MIOS: variants seen among roughly 807,000 people sequenced by gnomAD.
MIOS encodes GATOR2 complex protein MIOS.
Under a neutral mutation model 96.9 loss-of-function variants are expected in MIOS, and 52 were observed. That is an observed-to-expected ratio of 0.54 (90% CI 0.43 to 0.68). The LOEUF (loss-of-function observed/expected upper bound fraction) is 0.68. Ranked by LOEUF, MIOS falls within the 30% of genes least tolerant of loss-of-function variation. The pLI is 0.00. For missense variants in MIOS, 1,005 were observed against 1,052.8 expected (o/e 0.95, Z 0.63); for synonymous variants, 397 against 359.5 (o/e 1.10, Z -1.18).
intron 9 of MIOS, 96 bp downstream of exon 9, chr7:7,589,659 A>G (rs2115435235): frequency 7.3e-7 from 1 of 1,370,538 alleles, no homozygotes; most frequent in Non-Finnish European, 9.9e-7. Context: ...CTTGCTTAGG[A>G]TCTTTAGAAG....
At chr7:7,595,237 T>A (rs1784169941) in intron 10 of MIOS, 105 bp downstream of exon 10, 2 of 1,245,504 alleles carry the variant, frequency 1.6e-6, no homozygotes, top group African/African-American at 1.5e-5. Flanking sequence ...CCCATTGATG[T>A]CTTTGTCTTT....
chr7:7,603,539 G>T (rs368116139), intron 11 of MIOS, among the ~76,000 whole-genome samples: 4 of 152,114 alleles, frequency 2.6e-5, no homozygotes, highest in Non-Finnish European at 4.4e-5. Context: ...TTAGAATGGC[G>T]ATCATTAAAA....
chr7:7,584,849 G>T (rs770657187), intron 6 of MIOS, among the ~76,000 whole-genome samples: 68 of 152,150 alleles, frequency 4.5e-4, no homozygotes, highest in Non-Finnish European at 7.4e-4. Context: ...AAAGTTAGCA[G>T]CTTATCAGCA....
At chr7:7,598,296 A>G (rs1470321463) in intron 11 of MIOS, among the ~76,000 whole-genome samples, 1 of 152,220 alleles carries the variant, frequency 6.6e-6, no homozygotes, top group Admixed American at 6.5e-5. Flanking sequence ...CAGACATTTT[A>G]TAATTCTATT....
intron 5 of MIOS, chr7:7,582,625 T>A: frequency 1.0e-6 from 1 of 978,662 alleles, no homozygotes; most frequent in Non-Finnish European, 1.2e-6. Flanking sequence ...TTTTTTAATG[T>A]ACAGAGAAAG....
chr7:7,586,312 A>G (rs1165790297), intron 7 of MIOS, among the ~76,000 whole-genome samples: 3 of 152,058 alleles, frequency 2.0e-5, no homozygotes, highest in Non-Finnish European at 2.9e-5. Flanking sequence ...ACAGTGGACT[A>G]TTTCAGCTTT....
At chr7:7,595,997 T>C (rs953571945) in intron 10 of MIOS, among the ~76,000 whole-genome samples, 2 of 152,168 alleles carry the variant, frequency 1.3e-5, no homozygotes, top group Admixed American at 6.5e-5. Flanking sequence ...ATTTCTAAAA[T>C]GTTGGAGTCT....
In MIOS at chr7:7,589,353, A is replaced by C. The variant is rs1783981596; in HGVS notation, c.1885-52A>C. The C allele has an allele frequency of 3.9e-6, 6 of 1,542,594 alleles. No individual in the cohort carries two copies. In the Middle Eastern group the frequency reaches 8.6e-4, roughly 222 times the overall value. On this transcript the variant is annotated intron_variant, in intron 8 of 12. Coordinates refer to ENST00000340080, the MANE Select transcript of MIOS (RefSeq NM_019005.4). ...TGTTCAAAATGTAGTTTTGAAGTAC[A>C]AAATACATAGTGAAACAGATTGCTT...
intron 11 of MIOS, 73 bp downstream of exon 11, chr7:7,596,534 A>G: frequency 2.1e-6 from 3 of 1,397,418 alleles, no homozygotes; most frequent in Non-Finnish European, 3.0e-6. Flanking sequence ...TGTTGCAAAT[A>G]AAATACAAAC....
rs772924898 is a variant in MIOS, at chr7:7,573,805, A to C, written c.1294+36A>C. ...CATTGTGAATTTTGTGAGGTGAATC[A>C]GGTAGAAATGTTCTTGAAGTTTGCC... On this transcript the variant is annotated intron_variant, in intron 4 of 12. Transcript: ENST00000340080. This position sits in a 1 kb window ranked among gnomAD's most constrained non-coding sequence, Gnocchi z 5.0. The C allele has an allele frequency of 1.5e-5, 23 of 1,527,318 alleles. No individual in the cohort carries two copies. Among genetic ancestry groups the C allele is most frequent in the Non-Finnish European group, 1.9e-5 (22 of 1,137,724 alleles). 94.6% of individuals were successfully genotyped at this position (1,527,318 alleles called of 1,614,324 possible).
At chr7:7,604,201 A>T (rs768993146) in intron 11 of MIOS, among the ~76,000 whole-genome samples, 5 of 151,904 alleles carry the variant, frequency 3.3e-5, no homozygotes, top group African/African-American at 4.8e-5. Flanking sequence ...GTACCCTAAA[A>T]CTTTAATAAT....
At chr7:7,593,730 C>G (rs1005658640) in intron 9 of MIOS, among the ~76,000 whole-genome samples, 1 of 151,298 alleles carries the variant, frequency 6.6e-6, no homozygotes, top group African/African-American at 2.4e-5. Flanking sequence ...CCCATCTCTA[C>G]TAAAAATACA....
chr7:7,585,655 G>T lies in MIOS; in HGVS notation c.1668G>T (p.Val556=), dbSNP rs1271237325. 6.3e-7 allele frequency: 1 copy of T among 1,587,650 alleles called. No homozygotes were observed. Among genetic ancestry groups the T allele is most frequent in the South Asian group, 1.2e-5 (1 of 86,468 alleles). Residue 556 remains valine (V), a synonymous_variant, in exon 7 of 13, where the codon GTG becomes GTT. Coordinates refer to ENST00000340080, the MANE Select transcript of MIOS (RefSeq NM_019005.4). Reference sequence around the variant, plus strand: ...ATGCAGGAGATCTGAATCTCAATGTGGTAGCAATGGCTTTATCGGGTTATA... The same window carrying T: ...ATGCAGGAGATCTGAATCTCAATGTTGTAGCAATGGCTTTATCGGGTTATA... ...SSEKGDLNLN[V]VAMALSGYTD...
intron 6 of MIOS, among the ~76,000 whole-genome samples, chr7:7,584,368 C>T (rs764242598): frequency 6.6e-6 from 1 of 152,022 alleles, no homozygotes; most frequent in African/African-American, 2.4e-5. Context: ...TGATACTTTC[C>T]TATCTTGTGT....
chr7:7,570,695 C>G (rs1583620439), intron 3 of MIOS, among the ~76,000 whole-genome samples: 2 of 152,086 alleles, frequency 1.3e-5, no homozygotes, highest in East Asian at 3.9e-4. Context: ...GAATGCACAA[C>G]CTAGATCCCT....
chr7:7,601,474 G>T (rs552221707), intron 11 of MIOS, among the ~76,000 whole-genome samples: 1 of 152,296 alleles, frequency 6.6e-6, no homozygotes, highest in African/African-American at 2.4e-5. Flanking sequence ...AAATCTAGAA[G>T]AAATGGATAA....
At chr7:7,602,439 C>G (rs1329253150) in intron 11 of MIOS, among the ~76,000 whole-genome samples, 3 of 152,050 alleles carry the variant, frequency 2.0e-5, no homozygotes, top group East Asian at 3.9e-4. Flanking sequence ...AACAGACAAA[C>G]AGAGAGCCAA....
intron 11 of MIOS, among the ~76,000 whole-genome samples, chr7:7,604,123 G>C (rs1360580313): frequency 6.6e-6 from 1 of 152,030 alleles, no homozygotes; most frequent in Admixed American, 6.6e-5. Flanking sequence ...TAAATGACGA[G>C]TTAATGGGTG....
At chr7:7,592,367 A>T (rs1387411053) in intron 9 of MIOS, among the ~76,000 whole-genome samples, 2 of 152,118 alleles carry the variant, frequency 1.3e-5, no homozygotes, top group Non-Finnish European at 2.9e-5. Flanking sequence ...CATTTCAGTT[A>T]TTGTGCTTTT....
Sources: allele counts gnomAD v4.1 joint callset (sites outside exome capture counted in the v4.1 genomes callset), GRCh38; gene constraint gnomAD v4.1.1; non-coding constraint Gnocchi (gnomAD v3.1); transcripts MANE v1.5; gene names NCBI Gene and HGNC (gene_info 2026-07-23, HGNC 2026-07-21).